Variants in NPAS3 observed in about 807,000 individuals in gnomAD.
The protein encoded by NPAS3 is neuronal PAS domain protein 3, also known as neuronal PAS domain-containing protein 3.
Under a neutral mutation model 73.1 loss-of-function variants are expected in NPAS3, and 14 were observed. The observed-to-expected ratio is 0.19, with a 90% CI of 0.13 to 0.30. The LOEUF (loss-of-function observed/expected upper bound fraction) is 0.30, where lower values mean the gene tolerates loss of function less well. Ranked by LOEUF, NPAS3 falls within the 10% of genes least tolerant of loss-of-function variation. NPAS3 has a pLI of 1.00. For synonymous variants in NPAS3, 620 were observed against 541.5 expected (o/e 1.14, Z -2.01); for missense variants, 1,096 against 1,250.0 (o/e 0.88, Z 1.86).
chr14:33,291,580 A>T (rs74042023), intron 3 of NPAS3, among the ~76,000 whole-genome samples: 3,654 of 152,302 alleles, frequency 0.024, 133 homozygotes, highest in African/African-American at 0.082. Flanking sequence ...ATTAGTTAAA[A>T]ATTAAATGCT....
intron 2 of NPAS3, among the ~76,000 whole-genome samples, chr14:33,072,905 TTATAAGAAAAATATACA>T (rs11273509): frequency 0.01 from 1,579 of 152,234 alleles, 30 homozygotes; most frequent in African/African-American, 0.036. Flanking sequence ...GGTATTTCAT[TTATAAGAAAAATATACA>T]TATATATAAT....
At chr14:33,461,555 C>G (rs889133383) in intron 4 of NPAS3, among the ~76,000 whole-genome samples, 2 of 152,062 alleles carry the variant, frequency 1.3e-5, no homozygotes, top group African/African-American at 2.4e-5. Flanking sequence ...AAAATCACAC[C>G]CTGATGGGCA....
At chr14:33,257,571 C>T (rs975199055) in intron 3 of NPAS3, among the ~76,000 whole-genome samples, 1 of 152,144 alleles carries the variant, frequency 6.6e-6, no homozygotes, top group Non-Finnish European at 1.5e-5. Context: ...GACGGGATTG[C>T]TTTTTGTTCA....
chr14:33,030,395 CT>C (rs1566484034), intron 1 of NPAS3, among the ~76,000 whole-genome samples: 1 of 152,090 alleles, frequency 6.6e-6, no homozygotes. Flanking sequence ...GCTTAGAATT[CT>C]TATTCAAATA....
intron 4 of NPAS3, among the ~76,000 whole-genome samples, chr14:33,506,201 T>C (rs888252438): frequency 1.3e-5 from 2 of 152,052 alleles, no homozygotes; most frequent in Admixed American, 1.3e-4. Context: ...ATACGGGCTT[T>C]ATAAGCAAGG....
At chr14:33,162,546 C>G (rs999542044) in intron 2 of NPAS3, among the ~76,000 whole-genome samples, 2 of 152,092 alleles carry the variant, frequency 1.3e-5, no homozygotes, top group Admixed American at 1.3e-4. Flanking sequence ...TATAAATGTG[C>G]CTGGATGCAG....
At chr14:33,140,963 T>C (rs994508487) in intron 2 of NPAS3, among the ~76,000 whole-genome samples, 4 of 152,240 alleles carry the variant, frequency 2.6e-5, no homozygotes, top group African/African-American at 9.6e-5. Flanking sequence ...TATGTTTGCC[T>C]CTTCTTTGCT....
At chr14:33,155,659 T>A (rs1315703294) in intron 2 of NPAS3, among the ~76,000 whole-genome samples, 1 of 152,206 alleles carries the variant, frequency 6.6e-6, no homozygotes, top group Non-Finnish European at 1.5e-5. Flanking sequence ...AACACAGCTA[T>A]GGAAGAGGTT....
chr14:33,803,499 C>T (rs1031514370), downstream of NPAS3: 5 of 152,040 alleles, frequency 3.3e-5, no homozygotes, highest in Non-Finnish European at 5.9e-5. Flanking sequence ...TGAAGAAGGC[C>T]GATGGAGAAA....
intron 7 of NPAS3, among the ~76,000 whole-genome samples, chr14:33,769,760 T>TTTTC (rs2062588379): frequency 8.1e-6 from 1 of 124,110 alleles, no homozygotes; most frequent in South Asian, 2.8e-4. Context: ...TTTTTTCTTT[T>TTTTC]TTTTTTTTTT....
intron 5 of NPAS3, among the ~76,000 whole-genome samples, chr14:33,633,654 G>A (rs796303238): frequency 5.3e-5 from 8 of 152,222 alleles, no homozygotes; most frequent in African/African-American, 1.9e-4. Context: ...ATAATCTCTT[G>A]GGACTACTGT....
At chr14:33,358,303 A>G (rs953890446) in intron 3 of NPAS3, among the ~76,000 whole-genome samples, 2 of 152,194 alleles carry the variant, frequency 1.3e-5, no homozygotes, top group African/African-American at 2.4e-5. Context: ...ACATTGGTCT[A>G]CCAGTTGTAA....
chr14:33,578,409 G>T, intron 5 of NPAS3: 2 of 353,232 alleles, frequency 5.7e-6, no homozygotes, highest in South Asian at 2.2e-5. Flanking sequence ...GGTCAGGGTG[G>T]TCTGGAACTC....
intron 9 of NPAS3, among the ~76,000 whole-genome samples, chr14:33,792,891 C>A (rs533684529): frequency 3.3e-4 from 50 of 152,322 alleles, no homozygotes; most frequent in Non-Finnish European, 6.8e-4. Context: ...GGTGAGCTTT[C>A]GCGGGGCGCC....
chr14:33,533,033 A>G (rs1871023612), intron 4 of NPAS3, among the ~76,000 whole-genome samples: 1 of 152,146 alleles, frequency 6.6e-6, no homozygotes, highest in Non-Finnish European at 1.5e-5. Flanking sequence ...CTCAAGAGTT[A>G]AAGAACTAAG....
chr14:33,793,721 G>C (rs987766801), intron 9 of NPAS3, among the ~76,000 whole-genome samples, 176 bp from the exon 10 acceptor site: 1 of 152,082 alleles, frequency 6.6e-6, no homozygotes, highest in African/African-American at 2.4e-5. Flanking sequence ...CCGCTCCACT[G>C]AATTGATTTC....
At chr14:33,524,476 C>T (rs1376090728) in intron 4 of NPAS3, among the ~76,000 whole-genome samples, 1 of 152,158 alleles carries the variant, frequency 6.6e-6, no homozygotes, top group African/African-American at 2.4e-5. Flanking sequence ...AATTGGCATT[C>T]ACAGAATGAC....
At chr14:33,269,646 A>C (rs957683333) in intron 3 of NPAS3, among the ~76,000 whole-genome samples, 2 of 152,202 alleles carry the variant, frequency 1.3e-5, no homozygotes, top group African/African-American at 4.8e-5. Context: ...GGGTGTTAGG[A>C]ATGAATTAAG....
chr14:33,406,855 C>T (rs7161083), intron 4 of NPAS3, among the ~76,000 whole-genome samples: 24 of 152,056 alleles, frequency 1.6e-4, no homozygotes, highest in African/African-American at 5.8e-4. Flanking sequence ...GGAGGGCAGA[C>T]CCTTCTAATG....
Sources: gnomAD v4.1 joint callset for allele counts (sites outside exome capture counted in the v4.1 genomes callset) on GRCh38, gnomAD v4.1.1 for gene constraint, MANE v1.5 for transcripts, NCBI Gene and HGNC (gene_info 2026-07-23, HGNC 2026-07-21) for gene names.